AUTS2: variants seen among roughly 807,000 people sequenced by gnomAD.
AUTS2 encodes the protein autism susceptibility gene 2 protein.
Under a neutral mutation model 112.4 loss-of-function variants are expected in AUTS2, and 17 were observed. The ratio of observed to expected loss-of-function variants is 0.15; its 90% confidence interval spans 0.10 to 0.23. AUTS2 has a LOEUF of 0.23. AUTS2 is among the 10% of genes least tolerant of loss of function. The probability of loss-of-function intolerance (pLI) is 1.00; values close to 1 mark genes in which losing one functional copy is unlikely to be tolerated. For missense variants in AUTS2, 1,510 were observed against 1,701.6 expected (o/e 0.89, Z 1.98); for synonymous variants, 751 against 702.7 (o/e 1.07, Z -1.09).
At chr7:69,997,185 A>G (rs1798985044) in intron 2 of AUTS2, among the ~76,000 whole-genome samples, 1 of 152,226 alleles carries the variant, frequency 6.6e-6, no homozygotes, top group African/African-American at 2.4e-5. Context: ...CACAGCTGGC[A>G]TTATCCCTAT....
intron 1 of AUTS2, among the ~76,000 whole-genome samples, chr7:69,842,494 T>G (rs1264999611): frequency 6.6e-6 from 1 of 152,230 alleles, no homozygotes; most frequent in Non-Finnish European, 1.5e-5. Context: ...TCTGATGTTA[T>G]GAAGTAAGTG....
intron 5 of AUTS2, among the ~76,000 whole-genome samples, chr7:70,453,520 CAGT>C (rs1255355582): frequency 6.6e-6 from 1 of 152,212 alleles, no homozygotes; most frequent in East Asian, 1.9e-4. Context: ...CGGCTTAAAA[CAGT>C]AGAAATGTAT....
intron 1 of AUTS2, among the ~76,000 whole-genome samples, chr7:69,831,821 G>C (rs1220120536): frequency 1.3e-5 from 2 of 152,158 alleles, no homozygotes; most frequent in Non-Finnish European, 2.9e-5. Context: ...TATTGAGAGA[G>C]TGAGGTGTAG....
chr7:69,936,802 C>T lies in AUTS2; in HGVS notation c.522+37304C>T, dbSNP rs571121696. On this transcript the variant is annotated intron_variant, in intron 2 of 18. Coordinates refer to ENST00000342771, the MANE Select transcript of AUTS2 (RefSeq NM_015570.4). The stretch of plus-strand genomic sequence containing the variant: ...GTAATGTGAGAGTCTAAAACGTGAG[C>T]CAAAGTTCCATTTAAAAGATCTAAA... 5.3e-5 allele frequency among the ~76,000 whole-genome samples: 8 copies of T among 152,220 alleles called. 1 individual carries two copies. In the South Asian group the frequency reaches 1.5e-3, roughly 28 times the overall value.
intron 4 of AUTS2, among the ~76,000 whole-genome samples, chr7:70,260,764 T>C (rs1787128640): frequency 6.6e-6 from 1 of 151,980 alleles, no homozygotes; most frequent in Non-Finnish European, 1.5e-5. Flanking sequence ...CTTTTTTTTT[T>C]TTTAAGACAG....
chr7:70,119,168 T>G (rs1485383750), intron 3 of AUTS2: 1 of 151,656 alleles, frequency 6.6e-6, no homozygotes, highest in Non-Finnish European at 1.5e-5. Flanking sequence ...TTTTGTGTTT[T>G]TAGTAGAGAC....
chr7:69,839,293 G>T (rs982403336), intron 1 of AUTS2, among the ~76,000 whole-genome samples: 1 of 152,062 alleles, frequency 6.6e-6, no homozygotes, highest in Non-Finnish European at 1.5e-5. Flanking sequence ...GTAAGTACCT[G>T]ATTTTGGCTC....
At chr7:69,963,021 T>G (rs1455946496) in intron 2 of AUTS2, among the ~76,000 whole-genome samples, 1 of 152,094 alleles carries the variant, frequency 6.6e-6, no homozygotes, top group Non-Finnish European at 1.5e-5. Context: ...ACAGCTGCAG[T>G]GGAGGGTTCT....
chr7:69,683,327 G>A (rs978935827), intron 1 of AUTS2, among the ~76,000 whole-genome samples: 16 of 152,342 alleles, frequency 1.1e-4, no homozygotes, highest in African/African-American at 3.8e-4. Flanking sequence ...GGCAGGAACC[G>A]CCATACTGGG....
chr7:70,639,591 T>C (rs1805703985), intron 5 of AUTS2, among the ~76,000 whole-genome samples: 1 of 121,044 alleles, frequency 8.3e-6, no homozygotes, highest in Non-Finnish European at 1.6e-5. Flanking sequence ...CACTCCAGCC[T>C]GGGTGATAGA....
intron 5 of AUTS2, among the ~76,000 whole-genome samples, chr7:70,608,136 T>G (rs981200909): frequency 1.3e-5 from 2 of 152,130 alleles, no homozygotes; most frequent in Non-Finnish European, 2.9e-5. Flanking sequence ...TAGGGTCTCA[T>G]TCTGTTGCCC....
rs368225729 is a variant in AUTS2, at chr7:70,545,141, C to T, written c.690+109360C>T. 7.2e-4 allele frequency among the ~76,000 whole-genome samples: 110 copies of T among 152,216 alleles called. 3 individuals carry two copies. The highest frequency in any genetic ancestry group is 2.5e-3 in the African/African-American group (102 of 41,538). On this transcript the variant is annotated intron_variant, in intron 5 of 18. Coordinates refer to ENST00000342771, the MANE Select transcript of AUTS2 (RefSeq NM_015570.4). ...GAATTTCAAGTCTAGAAGAACTGTC[C>T]AAATCATCGGTAGGAAGAGCTTGGA...
At chr7:69,814,606 G>A (rs142013379) in intron 1 of AUTS2, among the ~76,000 whole-genome samples, 24 of 152,336 alleles carry the variant, frequency 1.6e-4, no homozygotes, top group African/African-American at 5.5e-4. Flanking sequence ...TACTGAATAG[G>A]ACTCCAAAGA....
chr7:70,235,110 G>A (rs890161786), intron 4 of AUTS2, among the ~76,000 whole-genome samples: 1 of 152,156 alleles, frequency 6.6e-6, no homozygotes, highest in African/African-American at 2.4e-5. Context: ...ATTGGTGAAT[G>A]TGTTGACATA....
chr7:69,998,322 C>T (rs1246136087), intron 2 of AUTS2, among the ~76,000 whole-genome samples: 1 of 151,900 alleles, frequency 6.6e-6, no homozygotes, highest in Non-Finnish European at 1.5e-5. Flanking sequence ...GCTGGGACTA[C>T]AGGCACATGC....
intron 6 of AUTS2, among the ~76,000 whole-genome samples, chr7:70,730,378 C>T (rs983718286): frequency 6.6e-6 from 1 of 152,040 alleles, no homozygotes; most frequent in Non-Finnish European, 1.5e-5. Context: ...TTTCATTCCC[C>T]CAAAGGAAAC....
At chr7:70,486,524 T>A (rs62455228) in intron 5 of AUTS2, among the ~76,000 whole-genome samples, 42 of 152,006 alleles carry the variant, frequency 2.8e-4, no homozygotes, top group Non-Finnish European at 4.6e-4. Flanking sequence ...TCACTTGAGG[T>A]CAGGAGTTCG....
At chr7:70,082,383 C>T (rs2129565172) in intron 2 of AUTS2, among the ~76,000 whole-genome samples, 1 of 152,264 alleles carries the variant, frequency 6.6e-6, no homozygotes, top group South Asian at 2.1e-4. Context: ...AGGAGTCAGG[C>T]TAAGATCACA....
chr7:70,550,062 G>A (rs1800956050), intron 5 of AUTS2, among the ~76,000 whole-genome samples: 1 of 152,214 alleles, frequency 6.6e-6, no homozygotes, highest in African/African-American at 2.4e-5. Context: ...AAGGACAGTA[G>A]CTGATAGTGA....
Sources: allele counts gnomAD v4.1 joint callset (sites outside exome capture counted in the v4.1 genomes callset), GRCh38; gene constraint gnomAD v4.1.1; transcripts MANE v1.5; gene names NCBI Gene and HGNC (gene_info 2026-07-23, HGNC 2026-07-21).